The following PAPPA variants were observed in gnomAD, a reference collection of about 807,000 sequenced individuals.
PAPPA encodes pappalysin 1.
In PAPPA, 60 loss-of-function variants were observed where a neutral mutation model predicts 164.0. The ratio of observed to expected loss-of-function variants is 0.37; its 90% CI spans 0.30 to 0.45. PAPPA has a LOEUF of 0.45. Ranked by LOEUF, PAPPA falls within the 20% of genes least tolerant of loss-of-function variation. PAPPA has a pLI of 1.00. For missense variants in PAPPA, 1,782 were observed against 2,087.3 expected, an observed-to-expected ratio of 0.85 and a Z score of 2.85; for synonymous variants, 875 against 814.1, an observed-to-expected ratio of 1.07 and a Z score of -1.27.
At chr9:116,170,339 C>G (rs1843762555) in intron 1 of PAPPA, among the ~76,000 whole-genome samples, 1 of 152,046 alleles carries the variant, frequency 6.6e-6, no homozygotes, top group South Asian at 2.1e-4. Flanking sequence ...GAATTTGGAC[C>G]TTTTTTTCCT....
chr9:116,322,597 TC>T (rs1845872257), intron 10 of PAPPA, among the ~76,000 whole-genome samples: 1 of 152,112 alleles, frequency 6.6e-6, no homozygotes, highest in Non-Finnish European at 1.5e-5. Context: ...ATAGGCTGTC[TC>T]CCAGCAGGCT....
At chr9:116,320,779 GTGT>G (rs1845845208) in intron 10 of PAPPA, among the ~76,000 whole-genome samples, 1 of 152,078 alleles carries the variant, frequency 6.6e-6, no homozygotes, top group Admixed American at 6.6e-5. Context: ...GTGTTGTGTT[GTGT>G]TGTGTATCTG....
At chr9:116,311,529 A>G (rs1845717700) in intron 10 of PAPPA, among the ~76,000 whole-genome samples, 2 of 152,206 alleles carry the variant, frequency 1.3e-5, no homozygotes. Context: ...AAGCTTTAAA[A>G]AACATTGTAG....
intron 1 of PAPPA, among the ~76,000 whole-genome samples, chr9:116,180,870 C>T (rs1234763981): frequency 6.6e-6 from 1 of 152,098 alleles, no homozygotes; most frequent in Non-Finnish European, 1.5e-5. Flanking sequence ...TTTTCCTACC[C>T]CTTAGTGCTG....
intron 10 of PAPPA, among the ~76,000 whole-genome samples, chr9:116,312,569 G>A (rs1845734028): frequency 6.6e-6 from 1 of 152,004 alleles, no homozygotes; most frequent in Admixed American, 6.5e-5. Context: ...CCCAAAGGAT[G>A]GGGTTTTGAG....
chr9:116,154,634 A>G lies in PAPPA; in HGVS notation c.415+47A>G. 7.8e-7 allele frequency: 1 copy of G among 1,279,562 alleles called. No homozygotes were observed. Among genetic ancestry groups the G allele is most frequent in the Non-Finnish European group, 9.9e-7 (1 of 1,012,138 alleles). The allele number at this position is 1,279,562 out of a possible 1,614,324, so 79.3% of individuals were successfully genotyped here. A position where few individuals can be genotyped will look rare whatever the true frequency, so the allele number is the denominator to read the frequency against. ...GGCGCTGCACCGTCCCTGCGGCCCC[A>G]GAGGCTCGCGGGTGTCTGGGCGCGG... On this transcript the variant is annotated intron_variant, in intron 1 of 21. Coordinates refer to ENST00000328252, the MANE Select transcript of PAPPA (RefSeq NM_002581.5). The surrounding 1 kb of genome is among the most constrained non-coding windows in gnomAD (Gnocchi z 5.2).
At chr9:116,174,328 G>A (rs986940584) in intron 1 of PAPPA, among the ~76,000 whole-genome samples, 1 of 152,138 alleles carries the variant, frequency 6.6e-6, no homozygotes, top group African/African-American at 2.4e-5. Context: ...GCTCACCCTA[G>A]GCTGTGTGGG....
chr9:116,255,639 T>C (rs535146072), intron 7 of PAPPA, among the ~76,000 whole-genome samples: 2 of 152,046 alleles, frequency 1.3e-5, no homozygotes, highest in East Asian at 2.0e-4. Flanking sequence ...GTTTTGGCAA[T>C]TGAGTGGCTT....
At chr9:116,381,433 C>G (rs1311702877) in intron 20 of PAPPA, among the ~76,000 whole-genome samples, 1 of 152,182 alleles carries the variant, frequency 6.6e-6, no homozygotes, top group African/African-American at 2.4e-5. Flanking sequence ...GCTACAGAAA[C>G]ATAAACAGAC....
At chr9:116,284,305 A>C (rs1587986393) in intron 9 of PAPPA, among the ~76,000 whole-genome samples, 1 of 152,344 alleles carries the variant, frequency 6.6e-6, no homozygotes, top group East Asian at 1.9e-4. Context: ...ATGTTCAAAC[A>C]GACATATTTC....
At chr9:116,245,204 G>T (rs1478543981) in intron 7 of PAPPA, among the ~76,000 whole-genome samples, 2 of 151,892 alleles carry the variant, frequency 1.3e-5, no homozygotes, top group Non-Finnish European at 2.9e-5. Flanking sequence ...TACTTAAGGG[G>T]CACAATGTAC....
intron 18 of PAPPA, among the ~76,000 whole-genome samples, chr9:116,365,842 T>G (rs2118644579): frequency 6.6e-6 from 1 of 152,234 alleles, no homozygotes; most frequent in South Asian, 2.1e-4. Context: ...GGCTGCCTCC[T>G]TCTCTCCTCT....
At chr9:116,303,886 G>T (rs1845611375) in intron 10 of PAPPA, among the ~76,000 whole-genome samples, 1 of 152,156 alleles carries the variant, frequency 6.6e-6, no homozygotes, top group Non-Finnish European at 1.5e-5. Context: ...ATTTTTAGTT[G>T]TTGCCTGTAT....
rs1398474274 is a variant in PAPPA at position 116,154,925 on chromosome 9, G to A, written c.415+338G>A. On this transcript the variant is annotated intron_variant, in intron 1 of 21. Transcript: ENST00000328252. This position sits in a 1 kb window ranked among gnomAD's most constrained non-coding sequence, Gnocchi z 5.2. ...GGTCAGATGCACTCTCTCCTTTTGG[G>A]ATGAAAGGGAGGATGACCCAATTGA... Among the ~76,000 whole-genome samples the A allele has an allele frequency of 3.3e-5, 5 of 152,236 alleles. No homozygotes were observed. Among genetic ancestry groups the A allele is most frequent in the Non-Finnish European group, 7.3e-5 (5 of 68,040 alleles).
chr9:116,335,873 T>C (rs1326488736), intron 13 of PAPPA, among the ~76,000 whole-genome samples: 1 of 152,216 alleles, frequency 6.6e-6, no homozygotes, highest in South Asian at 2.1e-4. Context: ...TGTTGCACTA[T>C]AGATAAAAGT....
chr9:116,400,433 G>T lies in PAPPA; in HGVS notation c.*3817G>T, dbSNP rs1436519711. 6.6e-6 allele frequency: 1 copy of T among 152,050 alleles called. No homozygotes were observed. Among genetic ancestry groups the T allele is most frequent in the East Asian group, 1.9e-4 (1 of 5,204 alleles). 9.4% of individuals were successfully genotyped at this position (152,050 alleles called of 1,614,324 possible). On this transcript the variant is annotated 3_prime_UTR_variant, in exon 22 of 22. Coordinates refer to ENST00000328252, the MANE Select transcript of PAPPA (RefSeq NM_002581.5). Reference sequence around the variant, plus strand: ...GGTGGGGTGGGCATTTTGTTTATTTGTTTGGTGGCAATCAGTGGTAGTAGG... The same window carrying T: ...GGTGGGGTGGGCATTTTGTTTATTTTTTTGGTGGCAATCAGTGGTAGTAGG...
At chr9:116,177,945 C>G (rs1401549800) in intron 1 of PAPPA, among the ~76,000 whole-genome samples, 1 of 152,024 alleles carries the variant, frequency 6.6e-6, no homozygotes, top group African/African-American at 2.4e-5. Context: ...TTTATATGCA[C>G]TGATTTCATC....
intron 19 of PAPPA, among the ~76,000 whole-genome samples, chr9:116,374,373 A>G: frequency 6.6e-6 from 1 of 152,164 alleles, no homozygotes; most frequent in East Asian, 1.9e-4. Flanking sequence ...AAGAGGAAAA[A>G]GGCTGACATC....
chr9:116,372,963 C>T (rs1317087132), intron 19 of PAPPA, among the ~76,000 whole-genome samples: 1 of 152,196 alleles, frequency 6.6e-6, no homozygotes, highest in African/African-American at 2.4e-5. Flanking sequence ...GCTAATTCCA[C>T]TGCATTCCAT....
Sources: gnomAD v4.1 joint callset for allele counts (sites outside exome capture counted in the v4.1 genomes callset) on GRCh38, gnomAD v4.1.1 for gene constraint, Gnocchi (gnomAD v3.1) non-coding constraint, MANE v1.5 for transcripts, NCBI Gene and HGNC (gene_info 2026-07-23, HGNC 2026-07-21) for gene names.